The following TSHR variants were observed in gnomAD, a reference collection of about 807,000 sequenced individuals.
TSHR encodes the protein thyroid stimulating hormone receptor.
A neutral mutation model predicts 64.1 loss-of-function variants in TSHR; 51 were observed. The ratio of observed to expected loss-of-function variants is 0.80; its 90% CI spans 0.64 to 1.01. The LOEUF is 1.01. Among genes scored for constraint, TSHR ranks in the 50% least tolerant of loss-of-function variants. The pLI is 0.00. For synonymous variants in TSHR, 361 were observed against 361.9 expected, an observed-to-expected ratio of 1.00 and a Z score of 0.03; for missense variants, 877 against 942.8, an observed-to-expected ratio of 0.93 and a Z score of 0.91.
chr14:81,115,768 G>C (rs577855037), intron 8 of TSHR, among the ~76,000 whole-genome samples: 3 of 151,994 alleles, frequency 2.0e-5, no homozygotes, highest in East Asian at 3.9e-4. Flanking sequence ...AAATGTGAAG[G>C]GCAGCCAGAG....
chr14:81,027,473 G>A (rs1167590226), intron 1 of TSHR, among the ~76,000 whole-genome samples: 4 of 151,934 alleles, frequency 2.6e-5, no homozygotes. Context: ...AAAAAGGTGA[G>A]GGCATAAATA....
At chr14:81,030,105 C>G (rs1290212242) in intron 1 of TSHR, among the ~76,000 whole-genome samples, 1 of 152,084 alleles carries the variant, frequency 6.6e-6, no homozygotes. Flanking sequence ...TATTGCAGCA[C>G]AGAAGAGAGT....
At chr14:81,136,005 G>A (rs1280573935) in intron 8 of TSHR, among the ~76,000 whole-genome samples, 3 of 152,202 alleles carry the variant, frequency 2.0e-5, no homozygotes, top group Non-Finnish European at 2.9e-5. Context: ...GACAAGTGAG[G>A]ATTAAGATGT....
intron 1 of TSHR, among the ~76,000 whole-genome samples, chr14:81,061,151 CTT>C (rs1886207933): frequency 6.6e-6 from 1 of 152,124 alleles, no homozygotes; most frequent in South Asian, 2.1e-4. Flanking sequence ...ATCGAAGAGA[CTT>C]TTACTTGTGC....
rs1330781782 is a variant in TSHR at position 81,108,635 on chromosome 14, T to C, written c.692+183T>C. On this transcript the variant is annotated intron_variant, in intron 8 of 9. Transcript: ENST00000298171. ...AGGCTACCTCTTGGAAGAAAGTCCT[T>C]GTCCTTTGAGACTCAGAAGGCCCCA... 6.2e-6 allele frequency: 10 copies of C among 1,614,194 alleles called. No individual in the cohort carries two copies. Among genetic ancestry groups the C allele is most frequent in the Middle Eastern group, 1.6e-4 (1 of 6,062 alleles).
intron 1 of TSHR, among the ~76,000 whole-genome samples, chr14:81,037,683 C>T (rs1277592874): frequency 6.6e-6 from 1 of 151,864 alleles, no homozygotes; most frequent in Non-Finnish European, 1.5e-5. Context: ...CAAAAGACTA[C>T]AAGAGTAGCT....
chr14:81,087,318 T>A (rs1888357112), intron 3 of TSHR: 1 of 153,438 alleles, frequency 6.5e-6, no homozygotes, highest in African/African-American at 2.4e-5. Context: ...CAGTTACTTA[T>A]TTCTCTAATG....
intron 1 of TSHR, chr14:80,995,787 TACCTGTGTAACAA>T (rs1042863890): frequency 1.3e-5 from 2 of 151,458 alleles, no homozygotes; most frequent in African/African-American, 2.4e-5. Flanking sequence ...GACACAAGTT[TACCTGTGTAACAA>T]ACCTGCACTT....
At chr14:81,001,418 C>G in intron 1 of TSHR, 1 of 450,144 alleles carries the variant, frequency 2.2e-6, no homozygotes, top group South Asian at 1.7e-5. Flanking sequence ...CTCTATAAGG[C>G]CAGTAGCAAA....
intron 1 of TSHR, among the ~76,000 whole-genome samples, chr14:80,964,217 C>T (rs933535763): frequency 6.6e-6 from 1 of 152,124 alleles, no homozygotes; most frequent in Non-Finnish European, 1.5e-5. Flanking sequence ...CCAACCTCAA[C>T]AATCAGATCA....
At chr14:80,986,838 T>A (rs1888482152) in intron 1 of TSHR, among the ~76,000 whole-genome samples, 3 of 152,350 alleles carry the variant, frequency 2.0e-5, no homozygotes, top group East Asian at 1.9e-4. Context: ...TTTGTCTGTA[T>A]CATCTTCAAG....
chr14:81,134,165 C>T (rs1891359933), intron 8 of TSHR, among the ~76,000 whole-genome samples: 1 of 151,886 alleles, frequency 6.6e-6, no homozygotes, highest in Admixed American at 6.6e-5. Context: ...GAAGGAGTTT[C>T]GCTCTTGTTG....
chr14:81,004,201 C>T (rs1290360104), intron 1 of TSHR, among the ~76,000 whole-genome samples: 1 of 152,152 alleles, frequency 6.6e-6, no homozygotes, highest in Non-Finnish European at 1.5e-5. Flanking sequence ...ACTCGTCTCC[C>T]CTCTCCCGAC....
intron 9 of TSHR, among the ~76,000 whole-genome samples, chr14:81,142,389 CTT>C (rs1039173144): frequency 6.9e-6 from 1 of 144,774 alleles, no homozygotes; most frequent in African/African-American, 2.5e-5. Context: ...CACTTGGCCA[CTT>C]TTTTTTTTTT....
chr14:81,125,989 G>T (rs577988901), intron 8 of TSHR, among the ~76,000 whole-genome samples: 1 of 152,116 alleles, frequency 6.6e-6, no homozygotes, highest in South Asian at 2.1e-4. Context: ...TTCTTGACAA[G>T]AACAGGGAAT....
intron 1 of TSHR, chr14:80,992,592 C>A (rs2139743349): frequency 6.6e-6 from 1 of 152,032 alleles, no homozygotes; most frequent in South Asian, 2.1e-4. Context: ...TCATATGACC[C>A]CCCCAAACCC....
intron 3 of TSHR, among the ~76,000 whole-genome samples, chr14:81,085,331 C>G (rs1011156872): frequency 6.6e-6 from 1 of 152,204 alleles, no homozygotes. Context: ...CACCCCTTCT[C>G]TGCTTCAGGA....
At chr14:81,073,256 T>C (rs1408152717) in intron 3 of TSHR, among the ~76,000 whole-genome samples, 2 of 151,244 alleles carry the variant, frequency 1.3e-5, no homozygotes, top group African/African-American at 4.9e-5. Flanking sequence ...TAATTGGCAA[T>C]CATACTGAGA....
At chr14:81,111,216 T>G (rs1241672327) in intron 8 of TSHR, among the ~76,000 whole-genome samples, 2 of 152,228 alleles carry the variant, frequency 1.3e-5, no homozygotes, top group African/African-American at 2.4e-5. Context: ...AAGCACAGCT[T>G]CTTTTTTGGA....
Sources: gnomAD v4.1 joint callset for allele counts (sites outside exome capture counted in the v4.1 genomes callset) on GRCh38, gnomAD v4.1.1 for gene constraint, MANE v1.5 for transcripts, NCBI Gene and HGNC (gene_info 2026-07-23, HGNC 2026-07-21) for gene names.